ELF2: variants seen among roughly 807,000 people sequenced by gnomAD.
ELF2 encodes the protein E74 like ETS transcription factor 2, also known as ETS-related transcription factor Elf-2.
ELF2 carries 11 observed loss-of-function variants against 54.8 expected under a neutral mutation model. That is an observed-to-expected ratio of 0.20 (90% CI 0.13 to 0.33). The LOEUF is 0.33. ELF2 is among the 10% of genes least tolerant of loss of function. The pLI, the probability that ELF2 is intolerant of heterozygous loss-of-function variation, is 1.00. For missense variants in ELF2, 513 were observed against 703.0 expected, an observed-to-expected ratio of 0.73 and a Z score of 3.06; for synonymous variants, 203 against 245.1, an observed-to-expected ratio of 0.83 and a Z score of 1.61.
chr4:139,174,689 T>C (rs115516692), intron 1 of ELF2, among the ~76,000 whole-genome samples: 1,690 of 152,336 alleles, frequency 0.011, 12 homozygotes, highest in Non-Finnish European at 0.016. Flanking sequence ...ACTATTTACA[T>C]AGCATCCACA....
At chr4:139,134,186 C>T (rs960697705) in intron 3 of ELF2, among the ~76,000 whole-genome samples, 2 of 152,040 alleles carry the variant, frequency 1.3e-5, no homozygotes, top group African/African-American at 4.8e-5. Flanking sequence ...TAATTTTTGG[C>T]AAATGGGTTT....
At chr4:139,151,007 G>A (rs1739824790) in intron 1 of ELF2, among the ~76,000 whole-genome samples, 1 of 119,828 alleles carries the variant, frequency 8.3e-6, no homozygotes, top group Admixed American at 8.5e-5. Context: ...TTAGGTGACG[G>A]AACGAGGCTC....
chr4:139,161,867 G>T (rs189010800), intron 1 of ELF2, among the ~76,000 whole-genome samples: 2 of 152,122 alleles, frequency 1.3e-5, no homozygotes, highest in East Asian at 3.9e-4. Context: ...GGCCAAGACG[G>T]GTGGATCACA....
intron 3 of ELF2, among the ~76,000 whole-genome samples, chr4:139,134,204 C>A (rs561466189): frequency 6.6e-6 from 1 of 152,184 alleles, no homozygotes; most frequent in East Asian, 1.9e-4. Flanking sequence ...TTTTCTGTAA[C>A]TGCTGATATA....
intron 6 of ELF2, among the ~76,000 whole-genome samples, chr4:139,069,539 A>G (rs1240220348): frequency 1.3e-5 from 2 of 152,198 alleles, no homozygotes; most frequent in African/African-American, 4.8e-5. Context: ...AAGGCTTAAT[A>G]TATTTTCTCA....
intron 1 of ELF2, among the ~76,000 whole-genome samples, chr4:139,168,322 T>C (rs1741925731): frequency 6.6e-6 from 1 of 152,364 alleles, no homozygotes; most frequent in African/African-American, 2.4e-5. Context: ...AAAACCATTA[T>C]GTAAACTGGT....
intron 3 of ELF2, among the ~76,000 whole-genome samples, chr4:139,134,595 T>C (rs920589549): frequency 2.0e-4 from 28 of 137,686 alleles, no homozygotes; most frequent in Non-Finnish European, 4.7e-5. Flanking sequence ...TTTATTTTAT[T>C]TTATTTTATT....
intron 4 of ELF2, among the ~76,000 whole-genome samples, chr4:139,088,567 ACTGT>A (rs1003123660): frequency 1.3e-3 from 203 of 152,092 alleles, no homozygotes; most frequent in African/African-American, 4.7e-3. Flanking sequence ...ATGATAGTAA[ACTGT>A]CTGACTTTTG....
intron 4 of ELF2, among the ~76,000 whole-genome samples, chr4:139,095,817 G>A (rs1040991654): frequency 6.6e-6 from 1 of 152,154 alleles, no homozygotes; most frequent in African/African-American, 2.4e-5. Context: ...GGCCAAGGCG[G>A]GTGGATCACT....
intron 4 of ELF2, among the ~76,000 whole-genome samples, chr4:139,123,125 A>T (rs1287386644): frequency 6.6e-6 from 1 of 151,346 alleles, no homozygotes. Flanking sequence ...CAGGGGTTAC[A>T]GTGAGCCGAG....
chr4:139,171,440 T>A (rs537709969), intron 1 of ELF2, among the ~76,000 whole-genome samples: 1 of 151,992 alleles, frequency 6.6e-6, no homozygotes, highest in Admixed American at 6.6e-5. Context: ...AATATCCTAC[T>A]GCTCAAGGTC....
chr4:139,106,260 T>C (rs1734390589), intron 4 of ELF2, among the ~76,000 whole-genome samples: 2 of 152,102 alleles, frequency 1.3e-5, no homozygotes, highest in South Asian at 4.1e-4. Flanking sequence ...AAAAAAAGAA[T>C]ACAGCAGGGA....
At chr4:139,113,925 G>A (rs540316937) in intron 4 of ELF2, among the ~76,000 whole-genome samples, 1 of 151,898 alleles carries the variant, frequency 6.6e-6, no homozygotes, top group South Asian at 2.1e-4. Flanking sequence ...TGACAGAGTA[G>A]GTCTTTGCTT....
chr4:139,087,176 TCTTCA>T (rs1732068257), intron 4 of ELF2, among the ~76,000 whole-genome samples: 1 of 152,230 alleles, frequency 6.6e-6, no homozygotes, highest in Non-Finnish European at 1.5e-5. Context: ...ACTTGTTGAT[TCTTCA>T]CTTTATGATT....
intron 4 of ELF2, among the ~76,000 whole-genome samples, chr4:139,076,314 A>C (rs1414430897): frequency 6.6e-6 from 1 of 152,220 alleles, no homozygotes; most frequent in Non-Finnish European, 1.5e-5. Context: ...GCTTCACTGA[A>C]GCAAAGGATT....
At chr4:139,072,927 T>A (rs1729730938) in intron 5 of ELF2, among the ~76,000 whole-genome samples, 1 of 152,198 alleles carries the variant, frequency 6.6e-6, no homozygotes, top group African/African-American at 2.4e-5. Context: ...AAATTAAAAT[T>A]AGGACAAATC....
chr4:139,155,575 T>C (rs1046507277), intron 1 of ELF2: 2 of 152,062 alleles, frequency 1.3e-5, no homozygotes, highest in Non-Finnish European at 2.9e-5. Flanking sequence ...TGAGACTGCA[T>C]CTCTACAAAT....
intron 4 of ELF2, among the ~76,000 whole-genome samples, chr4:139,120,888 A>G (rs1171358222): frequency 6.6e-6 from 1 of 152,110 alleles, no homozygotes; most frequent in Non-Finnish European, 1.5e-5. Context: ...TCAATAGTCT[A>G]CCCATTTATT....
intron 3 of ELF2, among the ~76,000 whole-genome samples, chr4:139,130,471 T>C (rs958910211): frequency 6.6e-6 from 1 of 152,222 alleles, no homozygotes; most frequent in Non-Finnish European, 1.5e-5. Flanking sequence ...GCTCATGTTA[T>C]TTTGTAGCCT....
Sources: allele counts gnomAD v4.1 joint callset (sites outside exome capture counted in the v4.1 genomes callset), GRCh38; gene constraint gnomAD v4.1.1; transcripts MANE v1.5; gene names NCBI Gene and HGNC (gene_info 2026-07-23, HGNC 2026-07-21).